The following F2 variants were observed in gnomAD, a reference collection of about 807,000 sequenced individuals.
F2 encodes prothrombin.
F2 carries 34 observed loss-of-function variants against 81.9 expected under a neutral mutation model. That is an observed-to-expected ratio of 0.42 (90% CI 0.32 to 0.55). The LOEUF is 0.55. Ranked by LOEUF, F2 falls within the 20% of genes least tolerant of loss-of-function variation. The pLI, the probability that F2 is intolerant of heterozygous loss-of-function variation, is 0.18. For missense variants in F2, 630 were observed against 833.4 expected (o/e 0.76, Z 3.00); for synonymous variants, 296 against 326.4 (o/e 0.91, Z 1.01).
Position 46,739,344 on chromosome 11 carries a change from T to A in F2, c.1805T>A (p.Phe602Tyr). ...EGCDRDGKYG[F>Y]YTHVFRLKKW... The stretch of plus-strand genomic sequence containing the variant: ...TGTGACCGGGATGGGAAATATGGCT[T>A]CTACACACATGTGTTCCGCCTGAAG... The change falls in exon 14 of 14, where the codon TTC becomes TAC. Residue 602 changes from phenylalanine to tyrosine, a missense_variant. Coordinates refer to ENST00000311907, the MANE Select transcript of F2 (RefSeq NM_000506.5). The A allele has an allele frequency of 1.2e-6, 2 of 1,614,188 alleles. No homozygotes were observed. Among genetic ancestry groups the A allele is most frequent in the Non-Finnish European group, 1.7e-6 (2 of 1,180,028 alleles).
At position 46,721,766 on chromosome 11, in the gene F2, G is replaced by T. The variant is rs936896781; in HGVS notation, c.316+926G>T. ...GCTGATCTTGAACTCCTGGGCTCAG[G>T]CAATTCTCCCATCTCAGTCTCCCAA... On this transcript the variant is annotated intron_variant, in intron 4 of 13. Coordinates refer to ENST00000311907, the MANE Select transcript of F2 (RefSeq NM_000506.5). Among the ~76,000 whole-genome samples the T allele has an allele frequency of 5.3e-5, 8 of 151,958 alleles. No individual in the cohort carries two copies. The South Asian group carries it at 8.3e-4, about 16-fold the overall frequency.
Position 46,723,025 on chromosome 11 carries a change from G to A in F2, c.317-155G>A. 1.3e-6 allele frequency: 1 copy of A among 768,280 alleles called. No individual in the cohort carries two copies. The highest frequency in any genetic ancestry group is 2.5e-5 in the East Asian group (1 of 40,644). The allele number at this position is 768,280 out of a possible 1,614,324, so 47.6% of individuals were successfully genotyped here. On this transcript the variant is annotated intron_variant, in intron 4 of 13. Transcript: ENST00000311907. This position sits in a 1 kb window ranked among gnomAD's most constrained non-coding sequence, Gnocchi z 5.6. ...TTTGGAGGCCACTGTTGAGTGAATG[G>A]GAGAACTGCTGGTTGCAGAGGAAGA... is the stretch of plus-strand genomic sequence containing the variant.
At chr11:46,729,711 C>A (rs2064898950) in intron 12 of F2, 150 bp downstream of exon 12, 1 of 844,294 alleles carries the variant, frequency 1.2e-6, no homozygotes, top group Admixed American at 2.7e-5. Context: ...GTAAAAGTCT[C>A]TATCCCATAA....
Position 46,725,944 on chromosome 11 carries a change from T to G in F2, c.645T>G (p.Pro215=). ...NLSPPLEQCV[P]DRGQQYQGRL... The stretch of plus-strand genomic sequence containing the variant: ...CACCTCCATTGGAGCAGTGTGTCCC[T>G]GATCGGGGGCAGCAGTACCAGGGGC... The change falls in exon 7 of 14, where the codon CCT becomes CCG. Residue 215 remains proline (P), a synonymous_variant. Coordinates refer to ENST00000311907, the MANE Select transcript of F2 (RefSeq NM_000506.5). 6.2e-7 allele frequency: 1 copy of G among 1,613,966 alleles called. No individual in the cohort carries two copies. The highest frequency in any genetic ancestry group is 8.5e-7 in the Non-Finnish European group (1 of 1,180,030).
chr11:46,720,026 C>A (rs890155920), intron 2 of F2, 164 bp downstream of exon 2: 2 of 965,012 alleles, frequency 2.1e-6, no homozygotes, highest in Non-Finnish European at 3.1e-6. Flanking sequence ...GCGGCCTCAG[C>A]CTTTCCTGGG....
At chr11:46,720,230 G>A (rs2064827824) in intron 2 of F2, 4 of 559,444 alleles carry the variant, frequency 7.1e-6, no homozygotes, top group Non-Finnish European at 1.3e-5. Flanking sequence ...AGTGTTCCTG[G>A]AGCTCTGTGT....
At chr11:46,721,293 C>T (rs930579013) in intron 4 of F2, among the ~76,000 whole-genome samples, 7 of 152,174 alleles carry the variant, frequency 4.6e-5, no homozygotes, top group African/African-American at 9.7e-5. Context: ...CCACCCACCT[C>T]GGCCTCAAAG....
intron 3 of F2, 42 bp downstream of exon 3, chr11:46,720,589 G>A (rs2064830073): frequency 6.2e-7 from 1 of 1,612,806 alleles, no homozygotes; most frequent in Non-Finnish European, 8.5e-7. Context: ...GGAGGCCTGG[G>A]GACCCCAGTG....
intron 4 of F2, among the ~76,000 whole-genome samples, chr11:46,721,561 G>A (rs974971775): frequency 4.6e-5 from 7 of 152,206 alleles, no homozygotes; most frequent in African/African-American, 1.4e-4. Flanking sequence ...CCTCTGGAGC[G>A]ACCATCACAT....
chr11:46,720,489 TG>T (rs1200145016), intron 2 of F2, 33 bp from the exon 3 acceptor site: 7 of 1,613,858 alleles, frequency 4.3e-6, no homozygotes, highest in Non-Finnish European at 5.9e-6. Flanking sequence ...AAACAGGAGC[TG>T]CCGTAGCCTC....
chr11:46,720,031 C>T, intron 2 of F2, 169 bp downstream of exon 2: 3 of 903,118 alleles, frequency 3.3e-6, no homozygotes, highest in East Asian at 5.3e-5. Flanking sequence ...CTCAGCCTTT[C>T]CTGGGGGTCT....
chr11:46,729,553 T>C lies in F2; in HGVS notation c.1646T>C (p.Phe549Ser). The C allele has an allele frequency of 6.2e-7, 1 of 1,613,322 alleles. No homozygotes were observed. Among genetic ancestry groups the C allele is most frequent in the Non-Finnish European group, 8.5e-7 (1 of 1,179,410 alleles). The change falls in exon 12 of 14, where the codon TTC becomes TCC. Residue 549 changes from phenylalanine to serine, a missense_variant. Transcript: ENST00000311907. The stretch of plus-strand genomic sequence containing the variant: ...CGGATCCGCATCACTGACAACATGT[T>C]CTGTGCTGGCAAGTCTGTGCAGGGC... ...STRIRITDNMFCAGYKPDEGK... is the reference protein window; with the variant it reads ...STRIRITDNMSCAGYKPDEGK...
chr11:46,737,208 C>T (rs907342099), intron 12 of F2, among the ~76,000 whole-genome samples: 1 of 151,912 alleles, frequency 6.6e-6, no homozygotes, highest in Non-Finnish European at 1.5e-5. Context: ...GTGGCGTGAT[C>T]TCAGCTCACT....
At chr11:46,727,792 T>C (rs959263532) in intron 9 of F2, among the ~76,000 whole-genome samples, 3 of 151,498 alleles carry the variant, frequency 2.0e-5, no homozygotes, top group African/African-American at 7.3e-5. Context: ...AATAAATAAA[T>C]AAATAAATAA....
At chr11:46,729,304 C>A in intron 11 of F2, 76 bp from the exon 12 acceptor site, 1 of 1,509,342 alleles carries the variant, frequency 6.6e-7, no homozygotes, top group South Asian at 1.2e-5. Flanking sequence ...AGATTCTGGT[C>A]TCTAAGAAAT....
Position 46,719,399 on chromosome 11 carries a change from A to G in F2, c.79+85A>G. 1 of 1,472,232 alleles carries G rather than the reference A, an allele frequency of 6.8e-7. No homozygotes were observed. Among genetic ancestry groups the G allele is most frequent in the East Asian group, 2.4e-5 (1 of 41,056 alleles). 91.2% of individuals were successfully genotyped at this position (1,472,232 alleles called of 1,614,324 possible). ...GGGGTCTCCTGGCTGGACAGAGCAC[A>G]CAGAGCTGGCCCCTAAGTAGGTCTC... is the stretch of plus-strand genomic sequence containing the variant. On this transcript the variant is annotated intron_variant, in intron 1 of 13. Coordinates refer to ENST00000311907, the MANE Select transcript of F2 (RefSeq NM_000506.5). The surrounding 1 kb of genome is among the most constrained non-coding windows in gnomAD (Gnocchi z 4.7).
intron 12 of F2, among the ~76,000 whole-genome samples, chr11:46,730,446 G>T (rs1324263226): frequency 6.6e-6 from 1 of 151,916 alleles, no homozygotes; most frequent in Non-Finnish European, 1.5e-5. Context: ...CTGGGGGCAT[G>T]GCAGGCACTA....
Position 46,719,681 on chromosome 11 carries a change from G to A in F2, c.80-21G>A, listed in dbSNP as rs749497826. 32 of 1,578,122 alleles carry A rather than the reference G, an allele frequency of 2.0e-5. No individual in the cohort carries two copies. The South Asian group carries it at 3.6e-4, about 18-fold the overall frequency. ...CCTGTTCCTGAGGCCGCTGTCCCAT[G>A]ACCCCCCCACCGCCTTACAGTGTTC... is the stretch of plus-strand genomic sequence containing the variant. On this transcript the variant is annotated intron_variant, in intron 1 of 13. Transcript: ENST00000311907. The surrounding 1 kb of genome is among the most constrained non-coding windows in gnomAD (Gnocchi z 4.7).
intron 13 of F2, 65 bp from the exon 14 acceptor site, chr11:46,739,200 T>A (rs1253269193): frequency 6.2e-7 from 1 of 1,613,518 alleles, no homozygotes; most frequent in Admixed American, 1.7e-5. Flanking sequence ...AACAGTTGCC[T>A]GGCAGGGGAA....
Sources: allele counts gnomAD v4.1 joint callset (sites outside exome capture counted in the v4.1 genomes callset), GRCh38; gene constraint gnomAD v4.1.1; non-coding constraint Gnocchi (gnomAD v3.1); transcripts MANE v1.5; gene names NCBI Gene and HGNC (gene_info 2026-07-23, HGNC 2026-07-21).